Variants in NCKAP5 observed in about 807,000 individuals in gnomAD.
NCKAP5 encodes nck-associated protein 5.
NCKAP5 carries 92 observed loss-of-function variants against 167.0 expected under a neutral mutation model. The ratio of observed to expected loss-of-function variants is 0.55; its 90% CI spans 0.47 to 0.66. The LOEUF (loss-of-function observed/expected upper bound fraction) is 0.66, where lower values mean the gene tolerates loss of function less well. Ranked by LOEUF, NCKAP5 falls within the 30% of genes least tolerant of loss-of-function variation. The pLI is 0.00. For missense variants in NCKAP5, 2,378 were observed against 2,315.0 expected (o/e 1.03, Z -0.56); for synonymous variants, 891 against 877.4 (o/e 1.02, Z -0.27).
At chr2:132,814,194 G>T (rs1188554947) in intron 11 of NCKAP5, among the ~76,000 whole-genome samples, 1 of 152,160 alleles carries the variant, frequency 6.6e-6, no homozygotes. Flanking sequence ...ACTTCAGTTT[G>T]CCTTATGGGC....
chr2:132,932,422 G>A (rs1296279601), intron 8 of NCKAP5, among the ~76,000 whole-genome samples: 1 of 152,034 alleles, frequency 6.6e-6, no homozygotes, highest in Non-Finnish European at 1.5e-5. Context: ...TTAGAGACAG[G>A]GAAAAAGTAC....
chr2:132,788,569 C>T (rs564855558), intron 13 of NCKAP5, among the ~76,000 whole-genome samples: 1 of 152,172 alleles, frequency 6.6e-6, no homozygotes, highest in African/African-American at 2.4e-5. Context: ...ATAGGAGAGC[C>T]TACTTAATAG....
intron 3 of NCKAP5, among the ~76,000 whole-genome samples, chr2:133,364,538 C>T (rs113631163): frequency 9.9e-4 from 150 of 152,208 alleles, no homozygotes; most frequent in African/African-American, 3.3e-3. Context: ...TTCCTTCATT[C>T]GCTAACAGTT....
At chr2:133,054,095 T>C (rs1573883211) in intron 6 of NCKAP5, among the ~76,000 whole-genome samples, 1 of 152,156 alleles carries the variant, frequency 6.6e-6, no homozygotes, top group Non-Finnish European at 1.5e-5. Flanking sequence ...CAGAGGCTGG[T>C]ACAAAATTTA....
At chr2:133,045,623 C>T (rs974402811) in intron 6 of NCKAP5, among the ~76,000 whole-genome samples, 2 of 152,054 alleles carry the variant, frequency 1.3e-5, no homozygotes, top group African/African-American at 2.4e-5. Flanking sequence ...GTATGAGACC[C>T]TCTGTATGCT....
chr2:133,533,336 T>TA (rs1353132225), intron 2 of NCKAP5, among the ~76,000 whole-genome samples: 1 of 152,240 alleles, frequency 6.6e-6, no homozygotes, highest in East Asian at 1.9e-4. Context: ...ATCATCTATG[T>TA]AAAATCTCTC....
chr2:132,698,521 T>C (rs2105215513), intron 19 of NCKAP5, among the ~76,000 whole-genome samples: 1 of 152,236 alleles, frequency 6.6e-6, no homozygotes, highest in Non-Finnish European at 1.5e-5. Context: ...ACCACCAGCA[T>C]TGACTGGGAA....
At chr2:133,011,506 A>T (rs1381738253) in intron 6 of NCKAP5, among the ~76,000 whole-genome samples, 2 of 152,234 alleles carry the variant, frequency 1.3e-5, no homozygotes, top group East Asian at 3.8e-4. Context: ...GGACTTAATT[A>T]TCTATATCTT....
rs192101905 is a variant in NCKAP5 at position 133,041,534 on chromosome 2, T to C, written c.342-47295A>G. On this transcript the variant is annotated intron_variant, in intron 6 of 19. Transcript: ENST00000409261. ...GAATGATATATTTATACAAGAGAAA[T>C]ATGTAAAAATATTTGCATATAGCAT... Among the ~76,000 whole-genome samples the C allele has an allele frequency of 2.1e-3, 317 of 152,270 alleles. 4 individuals are homozygous for C. The highest frequency in any genetic ancestry group is 7.3e-3 in the African/African-American group (302 of 41,570).
At chr2:133,001,488 T>C (rs1181622595) in intron 6 of NCKAP5, among the ~76,000 whole-genome samples, 1 of 152,116 alleles carries the variant, frequency 6.6e-6, no homozygotes, top group Non-Finnish European at 1.5e-5. Context: ...GGGATTACAG[T>C]AGACTTACTT....
At chr2:133,235,788 C>T (rs1019888394) in intron 4 of NCKAP5, among the ~76,000 whole-genome samples, 1 of 151,690 alleles carries the variant, frequency 6.6e-6, no homozygotes, top group Non-Finnish European at 1.5e-5. Flanking sequence ...CCTGTAATCC[C>T]AGCTACTCGG....
At chr2:133,307,857 A>C (rs1680892655) in intron 3 of NCKAP5, among the ~76,000 whole-genome samples, 1 of 152,162 alleles carries the variant, frequency 6.6e-6, no homozygotes, top group African/African-American at 2.4e-5. Flanking sequence ...AAAAATATGG[A>C]ATTCACAATA....
At chr2:133,548,948 G>T (rs904273623) in intron 2 of NCKAP5, among the ~76,000 whole-genome samples, 2 of 151,888 alleles carry the variant, frequency 1.3e-5, no homozygotes, top group African/African-American at 4.8e-5. Context: ...TGGATCAAGA[G>T]TCAAGACCCA....
intron 4 of NCKAP5, among the ~76,000 whole-genome samples, chr2:133,266,810 C>A (rs2089255574): frequency 6.6e-6 from 1 of 152,196 alleles, no homozygotes; most frequent in Non-Finnish European, 1.5e-5. Flanking sequence ...CTCAGGGAGG[C>A]CCCTCGGGTG....
At chr2:133,115,581 AT>A (rs1352922187) in intron 6 of NCKAP5, among the ~76,000 whole-genome samples, 1 of 151,852 alleles carries the variant, frequency 6.6e-6, no homozygotes, top group Non-Finnish European at 1.5e-5. Context: ...AACAAGGTTT[AT>A]TAAGAGAAAT....
chr2:133,297,197 G>GTA (rs1680025522), intron 4 of NCKAP5, among the ~76,000 whole-genome samples: 1 of 134,186 alleles, frequency 7.5e-6, no homozygotes, highest in African/African-American at 2.7e-5. Context: ...GTGTGTGTGT[G>GTA]TGTGTGTGTG....
chr2:133,235,983 C>A (rs1344872297), intron 4 of NCKAP5, among the ~76,000 whole-genome samples: 2 of 137,712 alleles, frequency 1.5e-5, no homozygotes, highest in African/African-American at 5.4e-5. Context: ...TGGAAGATTG[C>A]TTGAGCTGGG....
chr2:132,731,135 C>A (rs894488967), intron 17 of NCKAP5, among the ~76,000 whole-genome samples: 2 of 152,130 alleles, frequency 1.3e-5, no homozygotes, highest in African/African-American at 4.8e-5. Context: ...CATTTTTAAT[C>A]GTGAGGGAAC....
At chr2:133,433,942 G>C (rs1176574511) in intron 3 of NCKAP5, 1 of 152,094 alleles carries the variant, frequency 6.6e-6, no homozygotes, top group Non-Finnish European at 1.5e-5. Flanking sequence ...GCACCTTTAG[G>C]ATGTACAGGA....
Sources: gnomAD v4.1 joint callset for allele counts (sites outside exome capture counted in the v4.1 genomes callset) on GRCh38, gnomAD v4.1.1 for gene constraint, MANE v1.5 for transcripts, NCBI Gene and HGNC (gene_info 2026-07-23, HGNC 2026-07-21) for gene names.